The following GZMB variants were observed in gnomAD, a reference collection of about 807,000 sequenced individuals.
GZMB encodes the protein granzyme B.
A neutral mutation model predicts 24.2 loss-of-function variants in GZMB; 27 were observed. That is an observed-to-expected ratio of 1.12 (90% confidence interval 0.82 to 1.54). The LOEUF is 1.54. Among genes scored for constraint, GZMB ranks in the 40% most tolerant of loss-of-function variants. The probability of loss-of-function intolerance (pLI) is 0.00; values close to 1 mark genes in which losing one functional copy is unlikely to be tolerated. For synonymous variants in GZMB, 121 were observed against 115.1 expected (o/e 1.05, Z -0.33); for missense variants, 336 against 310.1 (o/e 1.08, Z -0.63).
chr14:24,631,961 G>A lies in GZMB; in HGVS notation c.497C>T (p.Thr166Ile), dbSNP rs2066998572. ...HSHTLQEVKM[T>I]VQEDRKCESD... ...TTCGCACTTTCGATCTTCCTGCACT[G>A]TCATCTTCACCTCTTGTAGTGTGTG... Residue 166 changes from threonine (T) to isoleucine (I), a missense_variant, in exon 4 of 5, where the codon ACA becomes ATA. Physicochemically the swap from Thr to Ile is moderately conservative, Grantham distance 89. Coordinates refer to ENST00000216341, the MANE Select transcript of GZMB (RefSeq NM_004131.6). The A allele has an allele frequency of 6.2e-7, 1 of 1,614,210 alleles. No individual in the cohort carries two copies. The highest frequency in any genetic ancestry group is 8.5e-7 in the Non-Finnish European group (1 of 1,180,022).
rs956905540 is a variant in GZMB at position 24,632,004 on chromosome 14, G to C, written c.454C>G (p.Pro152Ala). Residue 152 changes from proline (P) to alanine (A), a missense_variant, in exon 4 of 5, where the codon CCC becomes GCC. By Grantham distance (27) the Pro-to-Ala change is conservative (BLOSUM62 -1). Transcript: ENST00000216341. ...AGTGTGTGTGAGTGTTTTCCCAGGG[G>C]GGCCGTCTGCCCCCAGCCGGCCACA... ...CSVAGWGQTA[P>A]LGKHSHTLQE... 1 of 1,614,150 alleles carries C rather than the reference G, an allele frequency of 6.2e-7. No homozygotes were observed. Among genetic ancestry groups the C allele is most frequent in the Non-Finnish European group, 8.5e-7 (1 of 1,180,020 alleles).
intron 4 of GZMB, 116 bp from the exon 5 acceptor site, chr14:24,631,330 G>A (rs2138501895): frequency 1.2e-6 from 1 of 866,780 alleles, no homozygotes; most frequent in East Asian, 2.6e-5. Flanking sequence ...TGGGAGACCA[G>A]AGGGCAGGGC....
At position 24,632,022 on chromosome 14, in the gene GZMB, C is replaced by T. The variant is rs757031846; in HGVS notation, c.436G>A (p.Gly146Ser). The T allele has an allele frequency of 2.4e-5, 38 of 1,614,192 alleles. No individual in the cohort carries two copies. The highest frequency in any genetic ancestry group is 8.3e-5 in the Admixed American group (5 of 60,030). The change falls in exon 4 of 5, where the codon GGC (glycine) becomes AGC (serine). Residue 146 changes from glycine to serine, a missense_variant. Gly to Ser is a moderately conservative substitution (Grantham distance 56). Coordinates refer to ENST00000216341, the MANE Select transcript of GZMB (RefSeq NM_004131.6). The part of the protein sequence containing the change: ...VKPGQTCSVA[G>S]WGQTAPLGKH... ...CCCAGGGGGGCCGTCTGCCCCCAGC[C>T]GGCCACACTGCATGTCTGCCCTGGC...
chr14:24,633,985 T>G, intron 1 of GZMB, 121 bp downstream of exon 1: 1 of 883,138 alleles, frequency 1.1e-6, no homozygotes, highest in Non-Finnish European at 1.8e-6. Flanking sequence ...TGGGGGGTCT[T>G]GGTAGAATGG....
At chr14:24,633,427 G>T in intron 1 of GZMB, 1 of 296,932 alleles carries the variant, frequency 3.4e-6, no homozygotes, top group Non-Finnish European at 5.0e-6. Context: ...TAAGTGGAGG[G>T]ATCTAGATAC....
At chr14:24,633,939 T>C in intron 1 of GZMB, 167 bp downstream of exon 1, 1 of 726,310 alleles carries the variant, frequency 1.4e-6, no homozygotes, top group Non-Finnish European at 2.5e-6. Context: ...CCTGCTGCTC[T>C]GCCATTCCTG....
intron 2 of GZMB, chr14:24,632,671 T>TG (rs771730129): frequency 3.5e-6 from 3 of 848,902 alleles, no homozygotes; most frequent in South Asian, 2.9e-5. Context: ...CAGTTTGTAT[T>TG]CTATGCCAAA....
chr14:24,631,242 C>T (rs2066991933), intron 4 of GZMB, 28 bp from the exon 5 acceptor site: 1 of 1,602,834 alleles, frequency 6.2e-7, no homozygotes. Context: ...AAGGACTGAG[C>T]TGATGCTCCT....
intron 1 of GZMB, among the ~76,000 whole-genome samples, chr14:24,633,665 C>T (rs190593445): frequency 9.9e-5 from 15 of 152,276 alleles, no homozygotes; most frequent in Non-Finnish European, 1.9e-4. Context: ...TGGGACTGAG[C>T]AAACACATTA....
At chr14:24,631,748 A>G (rs1036052637) in intron 4 of GZMB, 110 bp downstream of exon 4, 8 of 890,462 alleles carry the variant, frequency 9.0e-6, no homozygotes, top group Admixed American at 3.9e-5. Context: ...AGAGAGAAAT[A>G]TCACAGTCTA....
Position 24,631,172 on chromosome 14 carries a change from C to T in GZMB, c.643G>A (p.Gly215Ser). 4 of 1,613,472 alleles carry T rather than the reference C, an allele frequency of 2.5e-6. No individual in the cohort carries two copies. The highest frequency in any genetic ancestry group is 3.4e-6 in the Non-Finnish European group (4 of 1,179,478). Reference sequence around the variant, plus strand: ...TTGTTTCGTCCATAGGAGACAATGCCCTGGGCCACCTTGTTACACACAAGA... The same window carrying T: ...TTGTTTCGTCCATAGGAGACAATGCTCTGGGCCACCTTGTTACACACAAGA... ...GPLVCNKVAQ[G>S]IVSYGRNNGM... Residue 215 changes from glycine (G) to serine (S), a missense_variant, in exon 5 of 5, where the codon GGC becomes AGC. Physicochemically the swap from Gly to Ser is moderately conservative, Grantham distance 56 (BLOSUM62 0). Transcript: ENST00000216341.
rs190499023 is a variant in GZMB, at chr14:24,631,023, C to A, written c.*48G>T. Reference sequence around the variant, plus strand: ...TCCCAGTGTAAATCTGGACTTGGCTCCAGAGAAGGTGTTTCATTACAGCGG... The same window carrying A: ...TCCCAGTGTAAATCTGGACTTGGCTACAGAGAAGGTGTTTCATTACAGCGG... On this transcript the variant is annotated 3_prime_UTR_variant, in exon 5 of 5. Coordinates refer to ENST00000216341, the MANE Select transcript of GZMB (RefSeq NM_004131.6). 1.7e-5 allele frequency: 25 copies of A among 1,470,434 alleles called. No individual in the cohort carries two copies. Among genetic ancestry groups the A allele is most frequent in the Non-Finnish European group, 2.1e-5 (22 of 1,051,704 alleles). 91.1% of individuals were successfully genotyped at this position (1,470,434 alleles called of 1,614,324 possible).
In GZMB at chr14:24,632,949, C is replaced by T. The variant is rs763072582; in HGVS notation, c.169G>A (p.Asp57Asn). ...KRCGGFLIRD[D>N]FVLTAAHCWG... ...CAGTGAGCAGCTGTCAGCACGAAGT[C>T]GTCTCGTATCAGGAAGCCACCGCAC... Residue 57 changes from aspartate to asparagine, a missense_variant, in exon 2 of 5, where the codon GAC (aspartate) becomes AAC (asparagine). Asp to Asn is a conservative substitution (Grantham distance 23). Transcript: ENST00000216341. The T allele has an allele frequency of 1.1e-5, 18 of 1,613,380 alleles. No individual in the cohort carries two copies. In the Admixed American group the frequency reaches 1.2e-4, roughly 10 times the overall value.
chr14:24,632,307 G>A lies in GZMB; in HGVS notation c.339+17C>T. On this transcript the variant is annotated intron_variant, in intron 3 of 4. Transcript: ENST00000216341. Reference sequence around the variant, plus strand: ...AACTGGACCAAGAAGAGCAAGAGTGGCAGGAGTGTGCCTCACCTGCAGTAG... The same window carrying A: ...AACTGGACCAAGAAGAGCAAGAGTGACAGGAGTGTGCCTCACCTGCAGTAG... 1.3e-6 allele frequency: 2 copies of A among 1,599,244 alleles called. No individual in the cohort carries two copies. Among genetic ancestry groups the A allele is most frequent in the Non-Finnish European group, 1.7e-6 (2 of 1,171,516 alleles).
rs113098284 is a variant in GZMB, at chr14:24,632,461, T to C, written c.204-2A>G. On this transcript the variant is annotated splice_acceptor_variant, in intron 2 of 4. Transcript: ENST00000216341. LOFTEE classifies it high-confidence loss of function. ...GCCCCCAAGGTGACATTTATGGAGC[T>C]GCACAGAGAGCAGAGTGAGGATGGG... 6.2e-7 allele frequency: 1 copy of C among 1,613,264 alleles called. No homozygotes were observed. Among genetic ancestry groups the C allele is most frequent in the Non-Finnish European group, 8.5e-7 (1 of 1,179,686 alleles).
intron 4 of GZMB, 154 bp downstream of exon 4, chr14:24,631,704 T>C: frequency 1.4e-6 from 1 of 691,832 alleles, no homozygotes. Context: ...CCCTAATTTC[T>C]CCCCAGCTCA....
rs1388263247 is a variant in GZMB, at chr14:24,632,985, A to T, written c.133T>A (p.Ser45Thr). 1.9e-6 allele frequency: 3 copies of T among 1,613,810 alleles called. No homozygotes were observed. Among genetic ancestry groups the T allele is most frequent in the African/African-American group, 1.3e-5 (1 of 74,904 alleles). Residue 45 changes from serine to threonine, a missense_variant, in exon 2 of 5, where the codon TCT becomes ACT. By Grantham distance (58) the Ser-to-Thr change is moderately conservative. Coordinates refer to ENST00000216341, the MANE Select transcript of GZMB (RefSeq NM_004131.6). ...AGGAAGCCACCGCACCTCTTCAGAG[A>T]CTTCTGATCCCAGATCATAAGATAA... ...MAYLMIWDQK[S>T]LKRCGGFLIR...
Position 24,631,176 on chromosome 14 carries a change from G to T in GZMB, c.639C>A (p.Ala213=), listed in dbSNP as rs767805535. 1.2e-6 allele frequency: 2 copies of T among 1,613,470 alleles called. No homozygotes were observed. Among genetic ancestry groups the T allele is most frequent in the Admixed American group, 3.3e-5 (2 of 60,016 alleles). Residue 213 remains alanine, a synonymous_variant, in exon 5 of 5, where the codon GCC becomes GCA. Coordinates refer to ENST00000216341, the MANE Select transcript of GZMB (RefSeq NM_004131.6). ...TTCGTCCATAGGAGACAATGCCCTG[G>T]GCCACCTTGTTACACACAAGAGGGC... is the stretch of plus-strand genomic sequence containing the variant. ...SGGPLVCNKV[A]QGIVSYGRNN...
intron 1 of GZMB, 60 bp downstream of exon 1, chr14:24,634,046 G>A: frequency 7.1e-7 from 1 of 1,406,922 alleles, no homozygotes; most frequent in Non-Finnish European, 9.9e-7. Context: ...GGAATGTGGA[G>A]AAAGGGCAGG....
Sources: allele counts gnomAD v4.1 joint callset (sites outside exome capture counted in the v4.1 genomes callset), GRCh38; gene constraint gnomAD v4.1.1; transcripts MANE v1.5; gene names NCBI Gene and HGNC (gene_info 2026-07-23, HGNC 2026-07-21).